The following TG variants were observed in gnomAD, a reference collection of about 807,000 sequenced individuals.
The protein encoded by TG is thyroglobulin, also known as thyroid hormones.
Under a neutral mutation model 324.7 loss-of-function variants are expected in TG, and 270 were observed. The ratio of observed to expected loss-of-function variants is 0.83; its 90% CI spans 0.75 to 0.92. The LOEUF (loss-of-function observed/expected upper bound fraction) is 0.92. Ranked by LOEUF, TG falls within the 40% of genes least tolerant of loss-of-function variation. TG has a pLI of 0.00. For synonymous variants in TG, 1,401 were observed against 1,327.0 expected (o/e 1.06, Z -1.21); for missense variants, 3,591 against 3,456.4 (o/e 1.04, Z -0.98).
chr8:132,992,244 G>T (rs1000883868), intron 35 of TG, among the ~76,000 whole-genome samples: 1 of 152,178 alleles, frequency 6.6e-6, no homozygotes. Flanking sequence ...GAGTGTTTGT[G>T]TGTGTGTGCA....
chr8:132,902,157 T>A (rs1818016385), intron 16 of TG, among the ~76,000 whole-genome samples: 1 of 152,166 alleles, frequency 6.6e-6, no homozygotes, highest in African/African-American at 2.4e-5. Flanking sequence ...GAATTTCCTT[T>A]CAGGGCAGGA....
chr8:133,071,176 G>A (rs1390985155), intron 41 of TG, among the ~76,000 whole-genome samples: 1 of 152,224 alleles, frequency 6.6e-6, no homozygotes, highest in Non-Finnish European at 1.5e-5. Flanking sequence ...GCGTATTGAG[G>A]AATTGTGTGT....
chr8:133,029,382 G>T (rs1336804229), intron 40 of TG, among the ~76,000 whole-genome samples: 1 of 152,198 alleles, frequency 6.6e-6, no homozygotes, highest in Non-Finnish European at 1.5e-5. Context: ...CCTGGCCATT[G>T]TCAGGGACAA....
At chr8:132,960,972 A>G (rs768066369) in intron 27 of TG, 36 bp from the exon 28 acceptor site, 55 of 1,606,672 alleles carry the variant, frequency 3.4e-5, no homozygotes, top group Non-Finnish European at 4.6e-5. Context: ...GTGACAGCAC[A>G]CTCAAGCTCA....
chr8:132,978,697 G>T (rs1020019193), intron 34 of TG, among the ~76,000 whole-genome samples: 1 of 152,164 alleles, frequency 6.6e-6, no homozygotes, highest in South Asian at 2.1e-4. Flanking sequence ...GGGAAGTGGG[G>T]TGAAGGAGCA....
intron 43 of TG, among the ~76,000 whole-genome samples, chr8:133,105,184 C>T (rs16904836): frequency 0.25 from 38,594 of 152,106 alleles, 5,098 homozygotes; most frequent in South Asian, 0.3. Flanking sequence ...GATGTTACAA[C>T]CATTTTTCAA....
chr8:132,894,137 C>T (rs1484524567), intron 11 of TG, among the ~76,000 whole-genome samples: 2 of 152,106 alleles, frequency 1.3e-5, no homozygotes, highest in Admixed American at 1.3e-4. Flanking sequence ...AATTCTCCAG[C>T]GAATCTACCC....
rs761650362 is a variant in TG at position 133,131,875 on chromosome 8, G to T, written c.7926G>T (p.Gly2642=). 9.9e-6 allele frequency: 16 copies of T among 1,614,068 alleles called. No homozygotes were observed. In the Admixed American group the frequency reaches 1.0e-4, roughly 10 times the overall value. ...TTCCCTTCTACCCAGCCTACGAGGG[G>T]CAGTTTTCTCTGGAGGAGAAGAGCC... ...LGLPFYPAYE[G]QFSLEEKSLS... Residue 2642 remains glycine (G), a synonymous_variant, in exon 46 of 48, where the codon GGG becomes GGT. Transcript: ENST00000220616.
chr8:133,130,113 A>G (rs549842559), intron 45 of TG, among the ~76,000 whole-genome samples: 1 of 152,348 alleles, frequency 6.6e-6, no homozygotes, highest in Admixed American at 6.5e-5. Context: ...TCACCATTTT[A>G]CAGAGGAGGA....
chr8:132,995,263 T>C, intron 35 of TG: 1 of 976,384 alleles, frequency 1.0e-6, no homozygotes, highest in Non-Finnish European at 1.2e-6. Context: ...TTGGGTAAAG[T>C]CCTATGTGTA....
intron 43 of TG, chr8:133,102,722 C>T: frequency 2.9e-6 from 2 of 687,452 alleles, no homozygotes; most frequent in Non-Finnish European, 2.5e-6. Context: ...CTACATTATC[C>T]AGGCATTCAT....
chr8:132,868,832 C>A (rs948260465), intron 2 of TG, among the ~76,000 whole-genome samples: 3 of 152,354 alleles, frequency 2.0e-5, no homozygotes, highest in African/African-American at 4.8e-5. Context: ...TTCTTCCCTG[C>A]AGAATAGACA....
At chr8:132,910,037 C>T (rs532585158) in intron 18 of TG, among the ~76,000 whole-genome samples, 3 of 152,294 alleles carry the variant, frequency 2.0e-5, no homozygotes, top group South Asian at 2.1e-4. Context: ...GTTCAAAAAT[C>T]GTGCCACAGT....
Position 132,887,990 on chromosome 8 carries a change from C to T in TG, c.2183C>T (p.Thr728Met), listed in dbSNP as rs116468671. Residue 728 changes from threonine to methionine, a missense_variant, in exon 10 of 48, where the codon ACG (threonine) becomes ATG (methionine). By Grantham distance (81) the Thr-to-Met change is moderately conservative (BLOSUM62 -1). Transcript: ENST00000220616. ...SAIGKPKKCPTPCQLQSEQAF... is the reference protein window; with the variant it reads ...SAIGKPKKCPMPCQLQSEQAF... ...GCTCATTGTTCCTCCCCAGGCCCCA[C>T]GCCCTGTCAATTACAGTCTGAGCAA... 96 of 1,613,420 alleles carry T rather than the reference C, an allele frequency of 6.0e-5. 1 individual carries two copies. Among genetic ancestry groups the T allele is most frequent in the South Asian group, 1.9e-4 (17 of 90,882 alleles).
At chr8:133,113,374 A>G in intron 43 of TG, 48 bp from the exon 44 acceptor site, 1 of 1,607,022 alleles carries the variant, frequency 6.2e-7, no homozygotes, top group Non-Finnish European at 8.5e-7. Flanking sequence ...ACTGACTTGG[A>G]CCTTTCAGAA....
At chr8:133,131,668 T>G in intron 45 of TG, 144 bp from the exon 46 acceptor site, 1 of 1,211,394 alleles carries the variant, frequency 8.3e-7, no homozygotes, top group Non-Finnish European at 1.1e-6. Context: ...TCCATTCAAC[T>G]GGGCCCTAAA....
intron 4 of TG, 33 bp downstream of exon 4, chr8:132,871,584 C>T (rs1839485266): frequency 1.9e-6 from 3 of 1,602,904 alleles, no homozygotes; most frequent in Non-Finnish European, 1.7e-6. Flanking sequence ...ACCCCTAGAG[C>T]TGGGGAGGGG....
intron 40 of TG, among the ~76,000 whole-genome samples, chr8:133,027,014 A>C (rs978496886): frequency 6.6e-6 from 1 of 152,204 alleles, no homozygotes; most frequent in Non-Finnish European, 1.5e-5. Context: ...AAATCAAAGC[A>C]CACGAACATT....
Position 133,092,379 on chromosome 8 carries a change from A to G in TG, c.7240-2665A>G, listed in dbSNP as rs547093675. Among the ~76,000 whole-genome samples the G allele has an allele frequency of 3.1e-3, 476 of 152,368 alleles. 3 individuals are homozygous for G. Among genetic ancestry groups the G allele is most frequent in the African/African-American group, 0.011 (459 of 41,586 alleles). On this transcript the variant is annotated intron_variant, in intron 41 of 47. Transcript: ENST00000220616. ...TTTTAAAGTTAAAAAAACAACAGCC[A>G]GTGGAAACTCCTCGCCATTGAATAG... is the stretch of plus-strand genomic sequence containing the variant.
Sources: allele counts gnomAD v4.1 joint callset (sites outside exome capture counted in the v4.1 genomes callset), GRCh38; gene constraint gnomAD v4.1.1; transcripts MANE v1.5; gene names NCBI Gene and HGNC (gene_info 2026-07-23, HGNC 2026-07-21).